UBE3D: variants seen among roughly 807,000 people sequenced by gnomAD.
UBE3D encodes E3 ubiquitin-protein ligase E3D.
UBE3D carries 48 observed loss-of-function variants against 49.6 expected under a neutral mutation model. That is an observed-to-expected ratio of 0.97 (90% CI 0.77 to 1.23). The LOEUF is 1.23. Among genes scored for constraint, UBE3D ranks in the 50% most tolerant of loss-of-function variants. UBE3D has a pLI of 0.00. For missense variants in UBE3D, 452 were observed against 468.4 expected, an observed-to-expected ratio of 0.96 and a Z score of 0.32; for synonymous variants, 189 against 174.2, an observed-to-expected ratio of 1.08 and a Z score of -0.67.
At chr6:83,040,410 T>C (rs554364709) in intron 4 of UBE3D, among the ~76,000 whole-genome samples, 2 of 151,608 alleles carry the variant, frequency 1.3e-5, no homozygotes, top group East Asian at 3.9e-4. Flanking sequence ...TCTCTATATA[T>C]ATATATATTC....
At chr6:82,966,997 T>A (rs973514560) in intron 8 of UBE3D, among the ~76,000 whole-genome samples, 3 of 152,110 alleles carry the variant, frequency 2.0e-5, no homozygotes, top group Non-Finnish European at 4.4e-5. Context: ...CTTAAAAATA[T>A]TTTTTTCATT....
At chr6:82,887,709 C>A (rs115829917), downstream of UBE3D, among the ~76,000 whole-genome samples, 45 of 71,840 alleles carry the variant, frequency 6.3e-4, no homozygotes, top group Admixed American at 2.1e-3. Flanking sequence ...ACTCCATCCC[C>A]CCAAAAAAAA....
chr6:82,936,835 G>A (rs919701664), intron 9 of UBE3D, among the ~76,000 whole-genome samples: 8 of 152,120 alleles, frequency 5.3e-5, no homozygotes, highest in Non-Finnish European at 1.0e-4. Flanking sequence ...TTCTTTTTCA[G>A]GCTAGTTTAA....
chr6:82,925,430 T>C (rs914579630), intron 9 of UBE3D, among the ~76,000 whole-genome samples: 2 of 152,150 alleles, frequency 1.3e-5, no homozygotes, highest in Non-Finnish European at 2.9e-5. Context: ...AACCTTCCTG[T>C]GAAGCCAGGA....
intron 9 of UBE3D, among the ~76,000 whole-genome samples, chr6:82,893,365 CCA>C (rs1371983782): frequency 6.6e-6 from 1 of 152,094 alleles, no homozygotes; most frequent in African/African-American, 2.4e-5. Flanking sequence ...TTTGGACCTT[CCA>C]TATTTAGAAT....
chr6:82,926,324 T>G (rs987334472), intron 9 of UBE3D, among the ~76,000 whole-genome samples: 23 of 152,142 alleles, frequency 1.5e-4, no homozygotes, highest in African/African-American at 4.6e-4. Context: ...CTGAGTAATA[T>G]TCCATTGTCT....
intron 9 of UBE3D, among the ~76,000 whole-genome samples, chr6:82,899,965 T>C (rs1771609262): frequency 6.6e-6 from 1 of 152,216 alleles, no homozygotes; most frequent in South Asian, 2.1e-4. Context: ...AATTCTAGGA[T>C]ACCAGTATGG....
At chr6:82,914,646 T>A (rs972656720) in intron 9 of UBE3D, among the ~76,000 whole-genome samples, 3 of 152,190 alleles carry the variant, frequency 2.0e-5, no homozygotes, top group Non-Finnish European at 4.4e-5. Flanking sequence ...AGAACTGATA[T>A]CCTTGTTAGA....
intron 8 of UBE3D, among the ~76,000 whole-genome samples, chr6:82,980,185 C>T (rs896710662): frequency 6.6e-6 from 1 of 152,216 alleles, no homozygotes; most frequent in East Asian, 1.9e-4. Flanking sequence ...AGAAGTTGTA[C>T]CAATTTACAT....
intron 8 of UBE3D, among the ~76,000 whole-genome samples, chr6:82,982,555 T>C (rs2127720354): frequency 6.6e-6 from 1 of 152,298 alleles, no homozygotes; most frequent in East Asian, 1.9e-4. Flanking sequence ...AGTTGCAACA[T>C]TATAGCATAC....
chr6:82,943,529 G>A (rs1041593499), intron 9 of UBE3D, among the ~76,000 whole-genome samples: 20 of 152,034 alleles, frequency 1.3e-4, no homozygotes, highest in African/African-American at 4.3e-4. Flanking sequence ...CCAGCTACTT[G>A]GGAGGCTGAG....
chr6:83,064,135 C>CA (rs1310794783), intron 1 of UBE3D, among the ~76,000 whole-genome samples: 2 of 151,878 alleles, frequency 1.3e-5, no homozygotes, highest in African/African-American at 2.4e-5. Context: ...CAGCCAGAAA[C>CA]AAAAAAGTAT....
intron 9 of UBE3D, among the ~76,000 whole-genome samples, chr6:82,904,949 G>T (rs1327658888): frequency 1.3e-5 from 2 of 152,108 alleles, no homozygotes; most frequent in Admixed American, 6.6e-5. Context: ...GAAGCCCAGA[G>T]GCCACTGGCT....
chr6:83,058,666 A>C (rs917563698), intron 1 of UBE3D, among the ~76,000 whole-genome samples: 2 of 152,250 alleles, frequency 1.3e-5, no homozygotes, highest in Middle Eastern at 3.2e-3. Context: ...TGCAGACAGC[A>C]GGTCATCCAC....
rs946279101 is a variant in UBE3D, at chr6:82,962,831, C to T, written c.1011-5381G>A. On this transcript the variant is annotated intron_variant, in intron 8 of 9. Transcript: ENST00000369747. ...AATTCCACCCAAAGAGATTAAAAAC[C>T]CCAAAGGCAAATGATAGGGTAAATT... Among the ~76,000 whole-genome samples, 10 of 152,176 alleles carry T rather than the reference C, an allele frequency of 6.6e-5. No individual in the cohort carries two copies. In the South Asian group the frequency reaches 2.1e-3, roughly 32 times the overall value.
At chr6:82,975,505 T>C (rs1433267852) in intron 8 of UBE3D, among the ~76,000 whole-genome samples, 1 of 152,156 alleles carries the variant, frequency 6.6e-6, no homozygotes, top group African/African-American at 2.4e-5. Context: ...CTTGCCTTCT[T>C]CAATTTTTTC....
chr6:82,973,639 T>C (rs1419324147), intron 8 of UBE3D, among the ~76,000 whole-genome samples: 1 of 152,130 alleles, frequency 6.6e-6, no homozygotes, highest in African/African-American at 2.4e-5. Context: ...TAATCCACAT[T>C]CTGTTCATTT....
intron 4 of UBE3D, among the ~76,000 whole-genome samples, chr6:83,043,071 G>A (rs1322519901): frequency 6.6e-6 from 1 of 152,182 alleles, no homozygotes; most frequent in African/African-American, 2.4e-5. Flanking sequence ...CTAAAAATAT[G>A]ATGGGTCTTT....
At chr6:83,020,855 T>C (rs1781044408) in intron 7 of UBE3D, among the ~76,000 whole-genome samples, 2 of 152,362 alleles carry the variant, frequency 1.3e-5, no homozygotes, top group East Asian at 3.9e-4. Context: ...GGCATTTGTG[T>C]TCTACCTTGA....
Sources: allele counts gnomAD v4.1 joint callset (sites outside exome capture counted in the v4.1 genomes callset), GRCh38; gene constraint gnomAD v4.1.1; transcripts MANE v1.5; gene names NCBI Gene and HGNC (gene_info 2026-07-23, HGNC 2026-07-21).